The following ZNG1B variants were observed in gnomAD, a reference collection of about 807,000 sequenced individuals.
ZNG1B encodes the protein zinc-regulated GTPase metalloprotein activator 1B.
chr2:113,462,309 A>T, the ZNG1B span: 77 of 1,283,776 alleles, frequency 6.0e-5, no homozygotes, highest in East Asian at 7.1e-5. Context: ...AGGCGTTTTT[A>T]TTTATTTTTA....
At chr2:113,437,919 G>C in the ZNG1B span, 1 of 1,611,916 alleles carries the variant, frequency 6.2e-7, no homozygotes. Context: ...CTGCGGAGGA[G>C]GATTGTCCTG....
chr2:113,467,505 CATTTTAAGGACT>C, the ZNG1B span, among the ~76,000 whole-genome samples: 1 of 96,962 alleles, frequency 1.0e-5, no homozygotes, highest in Non-Finnish European at 2.0e-5. Context: ...CATTTCATAG[CATTTTAAGGACT>C]ATATAAGCAA....
At chr2:113,471,621 A>ATCCCTCC in the ZNG1B span, among the ~76,000 whole-genome samples, 1 of 137,264 alleles carries the variant, frequency 7.3e-6, no homozygotes, top group Non-Finnish European at 1.6e-5. Context: ...TCCCAATGCT[A>ATCCCTCC]TCCCTCCCCC....
chr2:113,487,587 G>A, the ZNG1B span, among the ~76,000 whole-genome samples: 1 of 151,422 alleles, frequency 6.6e-6, no homozygotes, highest in Non-Finnish European at 1.5e-5. Flanking sequence ...GATTTGATGA[G>A]TTTTACTGTT....
chr2:113,439,218 C>G, the ZNG1B span: 3 of 1,436,148 alleles, frequency 2.1e-6, no homozygotes, highest in Non-Finnish European at 2.8e-6. Flanking sequence ...CACTCCTATC[C>G]CTGACCATTT....
At chr2:113,488,615 AAG>A in the ZNG1B span, among the ~76,000 whole-genome samples, 2 of 151,426 alleles carry the variant, frequency 1.3e-5, no homozygotes, top group South Asian at 4.2e-4. Flanking sequence ...AAAAAAAAAA[AAG>A]ATACAAGAAG....
At chr2:113,476,739 C>A in the ZNG1B span, among the ~76,000 whole-genome samples, 1 of 151,974 alleles carries the variant, frequency 6.6e-6, no homozygotes, top group Admixed American at 6.6e-5. Context: ...TTCTAACAGA[C>A]AGGACCTTCA....
At chr2:113,471,615 A>C in the ZNG1B span, among the ~76,000 whole-genome samples, 1 of 149,478 alleles carries the variant, frequency 6.7e-6, no homozygotes, top group African/African-American at 2.5e-5. Flanking sequence ...TATATCTCCC[A>C]ATGCTATCCC....
At chr2:113,478,193 G>A in the ZNG1B span, among the ~76,000 whole-genome samples, 179 of 152,176 alleles carry the variant, frequency 1.2e-3, 1 homozygote, top group African/African-American at 4.1e-3. Context: ...TGAATTGGTG[G>A]GACAATTTTG....
the ZNG1B span, among the ~76,000 whole-genome samples, chr2:113,442,709 G>A: frequency 1.6e-4 from 24 of 152,002 alleles, 1 homozygote; most frequent in South Asian, 4.4e-3. Flanking sequence ...TATATAGTCC[G>A]AATTCTGTAG....
chr2:113,473,885 T>G, the ZNG1B span, among the ~76,000 whole-genome samples: 1 of 138,456 alleles, frequency 7.2e-6, no homozygotes, highest in Non-Finnish European at 1.5e-5. Context: ...TGGATTCGGT[T>G]TGCCAGTATT....
At chr2:113,441,885 G>A in the ZNG1B span, among the ~76,000 whole-genome samples, 9 of 152,148 alleles carry the variant, frequency 5.9e-5, no homozygotes, top group African/African-American at 1.9e-4. Context: ...GACTACAGGC[G>A]TGCGCCACCA....
the ZNG1B span, chr2:113,453,310 T>C: frequency 6.6e-7 from 1 of 1,511,716 alleles, no homozygotes; most frequent in Non-Finnish European, 9.0e-7. Flanking sequence ...TGGAGTGCAG[T>C]GGCATGATCT....
At chr2:113,455,618 T>A in the ZNG1B span, 3 of 1,287,110 alleles carry the variant, frequency 2.3e-6, no homozygotes, top group Non-Finnish European at 3.0e-6. Context: ...GTTCCCAATC[T>A]GAGCATATGG....
chr2:113,460,698 G>T, the ZNG1B span: 5 of 1,594,686 alleles, frequency 3.1e-6, no homozygotes, highest in Non-Finnish European at 4.2e-6. Context: ...AAACCTGATG[G>T]CCTTATCAAT....
chr2:113,441,318 A>C, the ZNG1B span: 1 of 1,249,554 alleles, frequency 8.0e-7, no homozygotes, highest in Non-Finnish European at 1.1e-6. Context: ...AATTATTTTG[A>C]ATTTTTTTAT....
the ZNG1B span, among the ~76,000 whole-genome samples, chr2:113,476,483 C>G: frequency 6.7e-6 from 1 of 149,924 alleles, no homozygotes; most frequent in Non-Finnish European, 1.5e-5. Context: ...GCCTTCTTCT[C>G]TCAGCTCGTC....
At chr2:113,438,986 T>C in the ZNG1B span, 2 of 1,351,682 alleles carry the variant, frequency 1.5e-6, no homozygotes, top group African/African-American at 3.0e-5. Flanking sequence ...GAAGTAATTT[T>C]ATAAAGGAAT....
the ZNG1B span, among the ~76,000 whole-genome samples, chr2:113,490,472 G>C: frequency 6.6e-6 from 1 of 151,638 alleles, no homozygotes; most frequent in Non-Finnish European, 1.5e-5. Flanking sequence ...GCAGAAGAAA[G>C]AAGACCAGAG....
Sources: gnomAD v4.1 joint callset for allele counts (sites outside exome capture counted in the v4.1 genomes callset) on GRCh38, gnomAD v4.1.1 for gene constraint, MANE v1.5 for transcripts, NCBI Gene and HGNC (gene_info 2026-07-23, HGNC 2026-07-21) for gene names.